AOPEP: variants seen among roughly 807,000 people sequenced by gnomAD.
AOPEP encodes the protein aminopeptidase O.
AOPEP carries 77 observed loss-of-function variants against 98.1 expected under a neutral mutation model. The observed-to-expected ratio is 0.78, with a 90% CI of 0.65 to 0.95. The LOEUF (loss-of-function observed/expected upper bound fraction) is 0.95, where lower values mean the gene tolerates loss of function less well. AOPEP is among the 40% of genes least tolerant of loss of function. AOPEP has a pLI of 0.00. For missense variants in AOPEP, 1,024 were observed against 1,024.7 expected, an observed-to-expected ratio of 1.00 and a Z score of 0.01; for synonymous variants, 346 against 365.3, an observed-to-expected ratio of 0.95 and a Z score of 0.60.
the AOPEP span, among the ~76,000 whole-genome samples, chr9:95,137,733 C>T: frequency 1.3e-5 from 2 of 152,182 alleles, no homozygotes; most frequent in Admixed American, 6.5e-5. Flanking sequence ...GGTGTCAGAA[C>T]CCCAAGGGAG....
the AOPEP span, among the ~76,000 whole-genome samples, chr9:95,094,774 T>C: frequency 6.6e-6 from 1 of 152,224 alleles, no homozygotes; most frequent in East Asian, 1.9e-4. Context: ...CAAGCAATTC[T>C]CCTGCCTCAG....
chr9:94,970,558 G>C (rs891335958), intron 10 of AOPEP, among the ~76,000 whole-genome samples: 2 of 151,172 alleles, frequency 1.3e-5, no homozygotes, highest in African/African-American at 4.9e-5. Flanking sequence ...CAGGGAGATT[G>C]CGTGGGGCCT....
At chr9:95,125,072 G>A in the AOPEP span, 2 of 1,603,414 alleles carry the variant, frequency 1.2e-6, no homozygotes, top group South Asian at 1.1e-5. Context: ...AGTAATATAT[G>A]TGATATAACA....
the AOPEP span, among the ~76,000 whole-genome samples, chr9:95,094,796 G>C: frequency 6.6e-6 from 1 of 152,192 alleles, no homozygotes; most frequent in Non-Finnish European, 1.5e-5. Context: ...CTCCCGAGTA[G>C]CTGGGATTAC....
intron 13 of AOPEP, among the ~76,000 whole-genome samples, chr9:95,053,937 A>G (rs1587820023): frequency 6.6e-6 from 1 of 151,788 alleles, no homozygotes; most frequent in East Asian, 1.9e-4. Flanking sequence ...CTGGTCTGAA[A>G]CTCCTGAGCT....
intron 5 of AOPEP, among the ~76,000 whole-genome samples, chr9:94,811,796 T>A (rs992165700): frequency 3.9e-5 from 6 of 152,206 alleles, no homozygotes; most frequent in Non-Finnish European, 7.3e-5. Context: ...GGGGAGAACT[T>A]CTTAGGATTA....
intron 5 of AOPEP, among the ~76,000 whole-genome samples, chr9:94,820,305 A>G (rs1852770244): frequency 6.6e-6 from 1 of 152,122 alleles, no homozygotes; most frequent in African/African-American, 2.4e-5. Flanking sequence ...TTCCTTAGGT[A>G]TAGTACTTTA....
chr9:95,149,907 A>C, the AOPEP span: 1 of 1,586,626 alleles, frequency 6.3e-7, no homozygotes, highest in Non-Finnish European at 8.6e-7. Flanking sequence ...GATGACAGGA[A>C]ACATTTGCCA....
chr9:95,113,318 G>A, the AOPEP span, among the ~76,000 whole-genome samples: 1 of 152,204 alleles, frequency 6.6e-6, no homozygotes, highest in East Asian at 1.9e-4. Context: ...GAGAATTCCA[G>A]GAGTGAAAAG....
chr9:94,778,215 A>C (rs1842577498), intron 3 of AOPEP, among the ~76,000 whole-genome samples: 1 of 152,194 alleles, frequency 6.6e-6, no homozygotes, highest in South Asian at 2.1e-4. Flanking sequence ...AAAGAATGCA[A>C]CCACTTTGGA....
chr9:95,144,130 G>C, the AOPEP span, among the ~76,000 whole-genome samples: 6 of 152,292 alleles, frequency 3.9e-5, no homozygotes, highest in Admixed American at 2.0e-4. Flanking sequence ...CAGCACATCT[G>C]GGGAGGGGGG....
chr9:94,884,363 C>T (rs1051380843), intron 5 of AOPEP, among the ~76,000 whole-genome samples: 10 of 152,134 alleles, frequency 6.6e-5, no homozygotes, highest in African/African-American at 2.4e-4. Context: ...ACGGAATTGG[C>T]CTGTGGTACC....
chr9:94,851,987 C>T (rs187993274), intron 5 of AOPEP, among the ~76,000 whole-genome samples: 3 of 151,724 alleles, frequency 2.0e-5, no homozygotes, highest in Non-Finnish European at 2.9e-5. Context: ...CAGCAAAGAC[C>T]GTTTGACAAC....
At chr9:94,877,463 C>T (rs2047091981) in intron 5 of AOPEP, among the ~76,000 whole-genome samples, 1 of 150,308 alleles carries the variant, frequency 6.7e-6, no homozygotes, top group Non-Finnish European at 1.5e-5. Context: ...TGCTGTGTCG[C>T]CCAGGCTGGA....
At chr9:94,899,411 A>G (rs1588773998) in intron 5 of AOPEP, among the ~76,000 whole-genome samples, 1 of 131,992 alleles carries the variant, frequency 7.6e-6, no homozygotes, top group South Asian at 2.4e-4. Flanking sequence ...CTATTTTTTT[A>G]TATTGACTTT....
chr9:94,739,765 A>G (rs1440447998), intron 1 of AOPEP, among the ~76,000 whole-genome samples: 1 of 152,166 alleles, frequency 6.6e-6, no homozygotes, highest in African/African-American at 2.4e-5. Context: ...TACGCTAGGC[A>G]TGAAGTTCAC....
chr9:95,108,765 C>T, the AOPEP span, among the ~76,000 whole-genome samples: 35 of 152,162 alleles, frequency 2.3e-4, no homozygotes, highest in African/African-American at 8.4e-4. Context: ...GTTAATAATT[C>T]GGTTTATATA....
At chr9:95,098,175 G>GT in the AOPEP span, among the ~76,000 whole-genome samples, 1 of 152,192 alleles carries the variant, frequency 6.6e-6, no homozygotes, top group Non-Finnish European at 1.5e-5. Flanking sequence ...TCTGGGCAGC[G>GT]TAAGGCCAGG....
intron 1 of AOPEP, among the ~76,000 whole-genome samples, chr9:94,728,365 G>A (rs996275341): frequency 3.9e-5 from 6 of 152,140 alleles, no homozygotes; most frequent in African/African-American, 1.4e-4. Context: ...TAATTTTACA[G>A]TTGAGAGCTT....
Sources: gnomAD v4.1 joint callset for allele counts (sites outside exome capture counted in the v4.1 genomes callset) on GRCh38, gnomAD v4.1.1 for gene constraint, MANE v1.5 for transcripts, NCBI Gene and HGNC (gene_info 2026-07-23, HGNC 2026-07-21) for gene names.